The following UBE4B variants were observed in gnomAD, a reference collection of about 807,000 sequenced individuals.
UBE4B encodes the protein ubiquitin conjugation factor E4 B.
Under a neutral mutation model 148.1 loss-of-function variants are expected in UBE4B, and 27 were observed. That is an observed-to-expected ratio of 0.18 (90% confidence interval 0.13 to 0.25). The LOEUF (loss-of-function observed/expected upper bound fraction) is 0.25, where lower values mean the gene tolerates loss of function less well. Ranked by LOEUF, UBE4B falls within the 10% of genes least tolerant of loss-of-function variation. The pLI is 1.00. For missense variants in UBE4B, 1,170 were observed against 1,662.4 expected (o/e 0.70, Z 5.15); for synonymous variants, 596 against 619.3 (o/e 0.96, Z 0.56).
chr1:10,072,499 G>T (rs753892868), intron 2 of UBE4B: 1 of 711,330 alleles, frequency 1.4e-6, no homozygotes, highest in Non-Finnish European at 2.6e-6. Context: ...ACTGAATTTG[G>T]TTCTGCTGAT....
chr1:10,148,225 C>T (rs1368630098), intron 19 of UBE4B, among the ~76,000 whole-genome samples: 1 of 121,690 alleles, frequency 8.2e-6, no homozygotes, highest in East Asian at 2.4e-4. Context: ...GACTCCATCT[C>T]AAAAAAAAAA....
chr1:10,054,072 T>TTA (rs1644113506), intron 1 of UBE4B, among the ~76,000 whole-genome samples: 1 of 151,226 alleles, frequency 6.6e-6, no homozygotes, highest in Non-Finnish European at 1.5e-5. Flanking sequence ...AGATTTTTTT[T>TTA]AAAAAAAAAG....
intron 17 of UBE4B, among the ~76,000 whole-genome samples, chr1:10,138,787 ATAGT>A (rs1437973094): frequency 6.6e-6 from 1 of 152,176 alleles, no homozygotes; most frequent in Non-Finnish European, 1.5e-5. Flanking sequence ...TTTTATTTCA[ATAGT>A]TAGTTCCCTT....
intron 12 of UBE4B, among the ~76,000 whole-genome samples, chr1:10,129,676 T>C (rs1645559838): frequency 6.6e-6 from 1 of 152,146 alleles, no homozygotes; most frequent in African/African-American, 2.4e-5. Context: ...TCTAAGAATC[T>C]CACTCTGTCA....
intron 14 of UBE4B, among the ~76,000 whole-genome samples, chr1:10,132,128 CAAAAAAA>C (rs879567902): frequency 2.0e-5 from 3 of 149,612 alleles, no homozygotes; most frequent in Admixed American, 2.0e-4. Context: ...GACTCTGTCT[CAAAAAAA>C]AACAAAAAAC....
intron 2 of UBE4B, among the ~76,000 whole-genome samples, chr1:10,088,752 T>C (rs773537927): frequency 2.2e-4 from 33 of 150,862 alleles, no homozygotes; most frequent in Non-Finnish European, 3.8e-4. Context: ...CAATCATGGC[T>C]CACTGCAAGC....
chr1:10,075,333 C>T (rs953536093), intron 2 of UBE4B, among the ~76,000 whole-genome samples: 2 of 152,210 alleles, frequency 1.3e-5, no homozygotes, highest in African/African-American at 4.8e-5. Context: ...TTCTCACCAC[C>T]TGTTTCTTCT....
At chr1:10,124,864 G>A (rs1405570384) in intron 10 of UBE4B, among the ~76,000 whole-genome samples, 3 of 152,150 alleles carry the variant, frequency 2.0e-5, no homozygotes, top group African/African-American at 7.2e-5. Flanking sequence ...GGTGGCTCAC[G>A]CCTGTAATCC....
chr1:10,063,222 C>T (rs766423496), intron 1 of UBE4B, among the ~76,000 whole-genome samples: 2 of 151,994 alleles, frequency 1.3e-5, no homozygotes, highest in African/African-American at 2.4e-5. Context: ...GAGCTGAAAC[C>T]GTGCCTCTGC....
intron 21 of UBE4B, among the ~76,000 whole-genome samples, chr1:10,152,550 C>G (rs1570989436): frequency 6.6e-6 from 1 of 152,078 alleles, no homozygotes; most frequent in East Asian, 1.9e-4. Context: ...GTAATCCCAG[C>G]ACTTTGGGAG....
chr1:10,151,687 A>C, intron 21 of UBE4B, 126 bp downstream of exon 21: 1 of 788,178 alleles, frequency 1.3e-6, no homozygotes, highest in Non-Finnish European at 2.0e-6. Context: ...TAGCCTACTA[A>C]CCTGTGGCCT....
chr1:10,160,917 T>C (rs1646149774), intron 22 of UBE4B, among the ~76,000 whole-genome samples: 1 of 152,156 alleles, frequency 6.6e-6, no homozygotes, highest in Non-Finnish European at 1.5e-5. Flanking sequence ...CATTCCAGGC[T>C]GGGCGACAGA....
chr1:10,147,610 A>C (rs769262110), intron 19 of UBE4B, among the ~76,000 whole-genome samples: 1 of 152,254 alleles, frequency 6.6e-6, no homozygotes, highest in Non-Finnish European at 1.5e-5. Flanking sequence ...AAATGTCAAC[A>C]CCTGTTATTT....
At chr1:10,125,206 A>C (rs1645473942) in intron 10 of UBE4B, among the ~76,000 whole-genome samples, 1 of 152,160 alleles carries the variant, frequency 6.6e-6, no homozygotes, top group Admixed American at 6.6e-5. Context: ...ACTATACAAG[A>C]AAGTGTAATT....
At chr1:10,118,866 G>GTTT (rs1420083978) in intron 8 of UBE4B, among the ~76,000 whole-genome samples, 3 of 82,498 alleles carry the variant, frequency 3.6e-5, no homozygotes, top group Admixed American at 1.2e-4. Flanking sequence ...GGCCAGGCTG[G>GTTT]TCTTTTTTTT....
At chr1:10,075,220 A>G (rs946155859) in intron 2 of UBE4B, among the ~76,000 whole-genome samples, 8 of 152,264 alleles carry the variant, frequency 5.3e-5, no homozygotes, top group African/African-American at 1.9e-4. Context: ...GTGTTCCAGT[A>G]AAACTTCACT....
intron 1 of UBE4B, among the ~76,000 whole-genome samples, chr1:10,043,826 T>C (rs893162898): frequency 3.3e-5 from 5 of 152,210 alleles, no homozygotes; most frequent in Non-Finnish European, 7.3e-5. Context: ...TGGTTATACC[T>C]GTTCATGTAA....
chr1:10,116,549 CGTAT>C (rs1228629367), intron 7 of UBE4B, among the ~76,000 whole-genome samples: 1 of 152,078 alleles, frequency 6.6e-6, no homozygotes, highest in Non-Finnish European at 1.5e-5. Flanking sequence ...GTAATTAATC[CGTAT>C]GTGTCTTTTA....
At chr1:10,153,006 G>A (rs936748525) in intron 21 of UBE4B, among the ~76,000 whole-genome samples, 7 of 151,654 alleles carry the variant, frequency 4.6e-5, no homozygotes, top group African/African-American at 1.2e-4. Context: ...GGTTGTGCAC[G>A]GTTGCTAGCT....
Sources: allele counts gnomAD v4.1 joint callset (sites outside exome capture counted in the v4.1 genomes callset), GRCh38; gene constraint gnomAD v4.1.1; transcripts MANE v1.5; gene names NCBI Gene and HGNC (gene_info 2026-07-23, HGNC 2026-07-21).